ZNF385D: variants seen among roughly 807,000 people sequenced by gnomAD.
ZNF385D encodes zinc finger protein 385D, also known as zinc finger protein 659.
A neutral mutation model predicts 35.8 loss-of-function variants in ZNF385D; 15 were observed. That is an observed-to-expected ratio of 0.42 (90% CI 0.28 to 0.64). The LOEUF (loss-of-function observed/expected upper bound fraction) is 0.64, where lower values mean the gene tolerates loss of function less well. Among genes scored for constraint, ZNF385D ranks in the 30% least tolerant of loss-of-function variants. ZNF385D has a pLI of 0.23. For synonymous variants in ZNF385D, 212 were observed against 186.8 expected (o/e 1.13, Z -1.10); for missense variants, 474 against 494.6 (o/e 0.96, Z 0.39).
intron 3 of ZNF385D, among the ~76,000 whole-genome samples, chr3:21,908,098 A>G (rs192317971): frequency 1.3e-3 from 194 of 151,138 alleles, no homozygotes; most frequent in African/African-American, 4.5e-3. Context: ...TTCTCTCTAT[A>G]TCTATATATC....
At chr3:21,472,086 T>C (rs1250149459) in intron 4 of ZNF385D, among the ~76,000 whole-genome samples, 1 of 152,132 alleles carries the variant, frequency 6.6e-6, no homozygotes, top group African/African-American at 2.4e-5. Flanking sequence ...GTCAATAAAT[T>C]CTCAAACTCA....
intron 2 of ZNF385D, among the ~76,000 whole-genome samples, chr3:22,241,461 G>C (rs758015298): frequency 1.3e-5 from 2 of 151,126 alleles, no homozygotes; most frequent in Non-Finnish European, 1.5e-5. Context: ...CTAGGTGCTG[G>C]CCTTGCTTCA....
At chr3:21,714,852 T>C (rs1218651712) in intron 1 of ZNF385D, among the ~76,000 whole-genome samples, 1 of 152,192 alleles carries the variant, frequency 6.6e-6, no homozygotes, top group Non-Finnish European at 1.5e-5. Context: ...GTTTATGATA[T>C]ATAGCATGAT....
chr3:21,949,759 A>G (rs1298296971), intron 3 of ZNF385D, among the ~76,000 whole-genome samples: 1 of 151,740 alleles, frequency 6.6e-6, no homozygotes, highest in African/African-American at 2.4e-5. Context: ...CCACGCGTCC[A>G]TGTGTTCTCA....
chr3:22,158,999 ACTTTC>A (rs996496614), intron 3 of ZNF385D, among the ~76,000 whole-genome samples: 2 of 152,092 alleles, frequency 1.3e-5, no homozygotes, highest in African/African-American at 4.8e-5. Context: ...AGGAGTGATT[ACTTTC>A]CTAAGATTAT....
chr3:21,496,151 C>T (rs560038199), intron 4 of ZNF385D, among the ~76,000 whole-genome samples: 2 of 151,690 alleles, frequency 1.3e-5, no homozygotes, highest in African/African-American at 2.4e-5. Context: ...CCCACTGAAA[C>T]TCTTCTAAAA....
chr3:21,897,501 T>C (rs894192248), intron 3 of ZNF385D, among the ~76,000 whole-genome samples: 2 of 152,188 alleles, frequency 1.3e-5, no homozygotes, highest in African/African-American at 4.8e-5. Context: ...ATTCTCCTTT[T>C]TTCTACTTCC....
chr3:22,067,798 C>A (rs942357773), intron 3 of ZNF385D, among the ~76,000 whole-genome samples: 1 of 152,032 alleles, frequency 6.6e-6, no homozygotes, highest in South Asian at 2.1e-4. Flanking sequence ...CTGAGGTGGG[C>A]GGATCATGAG....
At chr3:21,737,287 T>C (rs80278525) in intron 1 of ZNF385D, among the ~76,000 whole-genome samples, 1,565 of 152,314 alleles carry the variant, frequency 0.01, 36 homozygotes, top group African/African-American at 0.036. Flanking sequence ...TAGTCATTGT[T>C]TTTACTAGTA....
intron 4 of ZNF385D, among the ~76,000 whole-genome samples, chr3:21,495,397 A>C (rs1003193144): frequency 6.6e-6 from 1 of 152,154 alleles, no homozygotes; most frequent in African/African-American, 2.4e-5. Flanking sequence ...AATCCTAAGA[A>C]TATCACTCAA....
At chr3:21,822,436 GC>G (rs1382785840) in intron 3 of ZNF385D, among the ~76,000 whole-genome samples, 1 of 152,006 alleles carries the variant, frequency 6.6e-6, no homozygotes, top group African/African-American at 2.4e-5. Flanking sequence ...CTAAACCTCA[GC>G]ACTGATTAAT....
chr3:21,665,191 C>G (rs1342125512), intron 1 of ZNF385D, among the ~76,000 whole-genome samples, 163 bp from the exon 2 acceptor site: 3 of 152,200 alleles, frequency 2.0e-5, no homozygotes, highest in African/African-American at 7.2e-5. Context: ...GCAAATTTGC[C>G]ATTAGGCAGA....
At chr3:22,371,087 C>T (rs564790588) in intron 2 of ZNF385D, among the ~76,000 whole-genome samples, 18 of 152,292 alleles carry the variant, frequency 1.2e-4, no homozygotes, top group African/African-American at 3.6e-4. Flanking sequence ...CAGCAAAGCC[C>T]GGACATGCTG....
chr3:21,812,415 G>C (rs1305705909), intron 3 of ZNF385D, among the ~76,000 whole-genome samples: 1 of 152,250 alleles, frequency 6.6e-6, no homozygotes, highest in South Asian at 2.1e-4. Context: ...CACCTCAGAA[G>C]TGCAAGAGGT....
chr3:21,675,098 C>T (rs1243898614), intron 1 of ZNF385D, among the ~76,000 whole-genome samples: 4 of 151,862 alleles, frequency 2.6e-5, no homozygotes. Context: ...AAAAGAAAAG[C>T]GGATTAAACT....
intron 3 of ZNF385D, among the ~76,000 whole-genome samples, chr3:21,795,364 G>A (rs1367606917): frequency 6.6e-6 from 1 of 152,204 alleles, no homozygotes; most frequent in Admixed American, 6.5e-5. Flanking sequence ...AGTAACAGAT[G>A]GTTTTATTAG....
chr3:22,164,227 T>G (rs960993946), intron 3 of ZNF385D, among the ~76,000 whole-genome samples: 1 of 113,770 alleles, frequency 8.8e-6, no homozygotes, highest in Admixed American at 8.3e-5. Context: ...TTTTTTTTTT[T>G]TTTTTTTTTT....
chr3:21,489,647 G>T (rs746488349), intron 4 of ZNF385D, among the ~76,000 whole-genome samples: 7 of 152,100 alleles, frequency 4.6e-5, no homozygotes, highest in Non-Finnish European at 1.0e-4. Flanking sequence ...TGTGACACCT[G>T]TCTGGATTCA....
intron 4 of ZNF385D, among the ~76,000 whole-genome samples, chr3:21,503,199 C>A (rs233167): frequency 0.78 from 118,608 of 152,170 alleles, 46,366 homozygotes; most frequent in East Asian, 0.87. Context: ...GGAATAGTAG[C>A]GTACATCAGG....
Sources: gnomAD v4.1 joint callset for allele counts (sites outside exome capture counted in the v4.1 genomes callset) on GRCh38, gnomAD v4.1.1 for gene constraint, MANE v1.5 for transcripts, NCBI Gene and HGNC (gene_info 2026-07-23, HGNC 2026-07-21) for gene names.